Variants in NCOR2 observed in about 807,000 individuals in gnomAD.
NCOR2 encodes CTG repeat protein 26.
NCOR2 carries 81 observed loss-of-function variants against 262.9 expected under a neutral mutation model. The ratio of observed to expected loss-of-function variants is 0.31; its 90% CI spans 0.26 to 0.37. The LOEUF (loss-of-function observed/expected upper bound fraction) is 0.37, where lower values mean the gene tolerates loss of function less well. NCOR2 is among the 10% of genes least tolerant of loss of function. The pLI, the probability that NCOR2 is intolerant of heterozygous loss-of-function variation, is 1.00. For synonymous variants in NCOR2, 1,659 were observed against 1,559.3 expected, an observed-to-expected ratio of 1.06 and a Z score of -1.51; for missense variants, 3,385 against 3,621.4, an observed-to-expected ratio of 0.93 and a Z score of 1.68.
chr12:124,450,834 C>T (rs1032603114), intron 6 of NCOR2, among the ~76,000 whole-genome samples: 5 of 152,232 alleles, frequency 3.3e-5, no homozygotes, highest in African/African-American at 4.8e-5. Flanking sequence ...TGGGAAGTTA[C>T]TTATTCCATC....
At position 124,389,784 on chromosome 12, in the gene NCOR2, G is replaced by A. The variant is rs1347402795; in HGVS notation, c.1877-3897C>T. On this transcript the variant is annotated intron_variant, in intron 16 of 46. Coordinates refer to ENST00000405201, the Ensembl canonical transcript of NCOR2. The surrounding 1 kb of genome is among the most constrained non-coding windows in gnomAD (Gnocchi z 4.4). ...GGTTTGGGGATTTGGGGTCCCCAAA[G>A]AGCCCTCTGCTGCTGGGGGGGTCTC... Among the ~76,000 whole-genome samples the A allele has an allele frequency of 6.6e-6, 1 of 152,224 alleles. No individual in the cohort carries two copies. Among genetic ancestry groups the A allele is most frequent in the East Asian group, 1.9e-4 (1 of 5,196 alleles).
At chr12:124,401,825 C>T (rs2042000831) in intron 14 of NCOR2, among the ~76,000 whole-genome samples, 1 of 152,206 alleles carries the variant, frequency 6.6e-6, no homozygotes, top group Admixed American at 6.5e-5. Flanking sequence ...AATTCCTGAG[C>T]CCATTACAGG....
chr12:124,430,041 T>C (rs1593499350), intron 9 of NCOR2, among the ~76,000 whole-genome samples: 2 of 133,280 alleles, frequency 1.5e-5, no homozygotes, highest in Non-Finnish European at 3.3e-5. Context: ...TTTCCTCCCC[T>C]GTCATATGAG....
intron 22 of NCOR2, among the ~76,000 whole-genome samples, chr12:124,360,267 C>T (rs1316524266): frequency 6.6e-6 from 1 of 152,242 alleles, no homozygotes; most frequent in East Asian, 1.9e-4. Context: ...CCCCAGGTAG[C>T]CCAGCCCTGG....
At chr12:124,560,280 C>G (rs1229264439) in intron 1 of NCOR2, among the ~76,000 whole-genome samples, 1 of 152,256 alleles carries the variant, frequency 6.6e-6, no homozygotes, top group African/African-American at 2.4e-5. Flanking sequence ...CTCAACTTTG[C>G]AAACGCTGTA....
intron 1 of NCOR2, among the ~76,000 whole-genome samples, chr12:124,560,292 C>A (rs1324820516): frequency 3.9e-5 from 6 of 152,210 alleles, no homozygotes; most frequent in Non-Finnish European, 5.9e-5. Context: ...AACGCTGTAC[C>A]CAAAAGCAGC....
At chr12:124,478,457 C>A (rs1441292520) in intron 3 of NCOR2, among the ~76,000 whole-genome samples, 1 of 152,152 alleles carries the variant, frequency 6.6e-6, no homozygotes, top group Non-Finnish European at 1.5e-5. Flanking sequence ...AGCAGAGAAG[C>A]ATCAGAAAAC....
chr12:124,414,197 C>T (rs963759523), intron 13 of NCOR2, among the ~76,000 whole-genome samples: 8 of 152,358 alleles, frequency 5.3e-5, no homozygotes, highest in African/African-American at 1.9e-4. Flanking sequence ...TCCAACTCCC[C>T]GGGCTGCATG....
intron 20 of NCOR2, among the ~76,000 whole-genome samples, chr12:124,371,495 T>C (rs2039512496): frequency 6.6e-6 from 1 of 152,154 alleles, no homozygotes; most frequent in Non-Finnish European, 1.5e-5. Context: ...GAAGAAAGTG[T>C]GGACACAGAG....
intron 28 of NCOR2, 79 bp from the exon 31 acceptor site, chr12:124,348,393 C>T (rs546740577): frequency 1.1e-4 from 160 of 1,507,364 alleles, no homozygotes; most frequent in Non-Finnish European, 1.3e-4. Context: ...CAGGCAGAGC[C>T]GGTAGGCAGG....
In NCOR2 at chr12:124,482,951, G is replaced by A. The variant is rs980740917; in HGVS notation, c.411+645C>T. On this transcript the variant is annotated intron_variant, in intron 3 of 46. Transcript: ENST00000405201. The surrounding 1 kb of genome is among the most constrained non-coding windows in gnomAD (Gnocchi z 6.3). ...CCAGGCCATGTCCTAACCAAGCACC[G>A]CCCCTTTAGTGCTGAGCCAACTCTG... Among the ~76,000 whole-genome samples the A allele has an allele frequency of 7.9e-5, 12 of 152,246 alleles. No homozygotes were observed. The highest frequency in any genetic ancestry group is 5.8e-4 in the East Asian group (3 of 5,180).
chr12:124,425,049 C>T (rs2043453665), intron 11 of NCOR2, among the ~76,000 whole-genome samples: 1 of 152,200 alleles, frequency 6.6e-6, no homozygotes, highest in African/African-American at 2.4e-5. Context: ...TAAATGCGGC[C>T]CAATACAAAT....
At chr12:124,392,508 G>A (rs945623430) in intron 16 of NCOR2, among the ~76,000 whole-genome samples, 7 of 152,194 alleles carry the variant, frequency 4.6e-5, no homozygotes, top group African/African-American at 1.4e-4. Flanking sequence ...CACACAGCTC[G>A]AGTGTCGCCT....
intron 44 of NCOR2, chr12:124,328,932 A>T (rs1258046013): frequency 3.2e-6 from 1 of 315,870 alleles, no homozygotes; most frequent in Non-Finnish European, 6.3e-6. Flanking sequence ...ACATTTCTGC[A>T]GCACTTTTGA....
intron 38 of NCOR2, 89 bp downstream of exon 40, chr12:124,336,664 C>T (rs1321742612): frequency 8.5e-6 from 13 of 1,537,830 alleles, no homozygotes; most frequent in South Asian, 1.2e-5. Context: ...CGTTGGCCAG[C>T]GCACCTCCTT....
chr12:124,378,282 A>G lies in NCOR2; in HGVS notation c.2122T>C (p.Ser708Pro), dbSNP rs2136070166. The G allele has an allele frequency of 1.2e-6, 2 of 1,613,764 alleles. No homozygotes were observed. The highest frequency in any genetic ancestry group is 1.7e-6 in the Non-Finnish European group (2 of 1,179,832). The change falls in exon 18 of 47, where the codon TCG becomes CCG. Residue 708 changes from serine to proline, a missense_variant. Around this residue, in one of 5 missense-constraint regions of NCOR2, gnomAD observed 515 missense variants for 781.2 expected, o/e 0.66. Coordinates refer to ENST00000405201, the Ensembl canonical transcript of NCOR2. The surrounding 1 kb of genome is among the most constrained non-coding windows in gnomAD (Gnocchi z 4.2). ...TCCTCCTCATTTCCGCTCACGCCCG[A>G]CGCCTCCATCTCCTCATCCTCCACC...
intron 19 of NCOR2, among the ~76,000 whole-genome samples, chr12:124,374,170 C>T (rs1454097098): frequency 1.3e-5 from 2 of 152,208 alleles, no homozygotes; most frequent in Non-Finnish European, 2.9e-5. Flanking sequence ...GAGACCCAAG[C>T]GTACCAGTGA....
chr12:124,458,660 A>G (rs2046008589), intron 5 of NCOR2, among the ~76,000 whole-genome samples: 1 of 152,260 alleles, frequency 6.6e-6, no homozygotes, highest in Non-Finnish European at 1.5e-5. Context: ...AGGCAGGAGT[A>G]GCCCCATCTC....
chr12:124,420,100 C>T, intron 12 of NCOR2, 45 bp from the exon 15 acceptor site: 3 of 1,528,114 alleles, frequency 2.0e-6, no homozygotes, highest in Non-Finnish European at 2.7e-6. Context: ...ACAGCACAGG[C>T]ATTCAGGGCA....
Sources: allele counts gnomAD v4.1 joint callset (sites outside exome capture counted in the v4.1 genomes callset), GRCh38; gene constraint gnomAD v4.1.1; regional missense constraint gnomAD v4.1.1; non-coding constraint Gnocchi (gnomAD v3.1); transcripts MANE v1.5; gene names NCBI Gene and HGNC (gene_info 2026-07-23, HGNC 2026-07-21).